The following MTR variants were observed in gnomAD, a reference collection of about 807,000 sequenced individuals.
MTR encodes the protein methionine synthase.
MTR carries 84 observed loss-of-function variants against 154.8 expected under a neutral mutation model. The observed-to-expected ratio is 0.54, with a 90% CI of 0.45 to 0.65. The LOEUF (loss-of-function observed/expected upper bound fraction) is 0.65, where lower values mean the gene tolerates loss of function less well. MTR is among the 30% of genes least tolerant of loss of function. The pLI is 0.00. For missense variants in MTR, 1,275 were observed against 1,570.2 expected (o/e 0.81, Z 3.18); for synonymous variants, 554 against 553.9 (o/e 1.00, Z 0.00).
intron 13 of MTR, among the ~76,000 whole-genome samples, chr1:236,835,223 C>A (rs750688912): frequency 6.6e-6 from 1 of 151,778 alleles, no homozygotes; most frequent in Non-Finnish European, 1.5e-5. Flanking sequence ...AGGCTCCAGT[C>A]GGGGTGGAAT....
chr1:236,810,463 G>C (rs1407464562), intron 4 of MTR, 40 bp from the exon 5 acceptor site: 2 of 1,523,410 alleles, frequency 1.3e-6, no homozygotes, highest in South Asian at 2.2e-5. Flanking sequence ...AAAATGTTCA[G>C]CCACTTAGAG....
chr1:236,812,896 G>A (rs1661384158), intron 6 of MTR, 52 bp downstream of exon 6: 2 of 1,323,020 alleles, frequency 1.5e-6, no homozygotes, highest in Non-Finnish European at 2.2e-6. Flanking sequence ...CTGTGGGTGA[G>A]TCCCCTAATG....
intron 1 of MTR, among the ~76,000 whole-genome samples, chr1:236,796,212 C>T (rs1408808043): frequency 1.3e-5 from 2 of 152,200 alleles, no homozygotes; most frequent in Admixed American, 6.5e-5. Context: ...TCTGCTTCTA[C>T]GCACGCTGCT....
chr1:236,811,549 T>C (rs1661303997), intron 5 of MTR: 1 of 454,960 alleles, frequency 2.2e-6, no homozygotes, highest in African/African-American at 2.0e-5. Flanking sequence ...TTGTAGGTTT[T>C]TGGTTTATGG....
chr1:236,805,709 A>G (rs141919837), intron 2 of MTR, among the ~76,000 whole-genome samples: 109 of 152,112 alleles, frequency 7.2e-4, no homozygotes, highest in African/African-American at 2.4e-3. Flanking sequence ...TGTTGCACAG[A>G]CTGGTCTTGA....
At chr1:236,856,840 G>A (rs1187308509) in intron 18 of MTR, among the ~76,000 whole-genome samples, 1 of 152,106 alleles carries the variant, frequency 6.6e-6, no homozygotes, top group Admixed American at 6.5e-5. Context: ...CTTCATCCAT[G>A]TCCCTGCAAA....
At position 236,850,613 on chromosome 1, in the gene MTR, GC is replaced by G. The variant is rs1287812473; in HGVS notation, c.1695+91del. 274 of 1,195,144 alleles carry G rather than the reference GC, an allele frequency of 2.3e-4. 2 individuals are homozygous for G. In the African/African-American group the frequency reaches 4.5e-3, roughly 20 times the overall value. The allele number at this position is 1,195,144 out of a possible 1,614,324, so 74.0% of individuals were successfully genotyped here. A position where few individuals can be genotyped will look rare whatever the true frequency, so the allele number is the denominator to read the frequency against. On this transcript the variant is annotated intron_variant, in intron 16 of 32. Transcript: ENST00000366577. Reference sequence around the variant, plus strand: ...TTAGAACTAACTTATATATTTATTGGCTGATGAAATGTTAACATTCTTAGTT... The same window carrying G: ...TTAGAACTAACTTATATATTTATTGGTGATGAAATGTTAACATTCTTAGTT...
At chr1:236,840,362 T>C (rs1401066214) in intron 15 of MTR, among the ~76,000 whole-genome samples, 2 of 152,232 alleles carry the variant, frequency 1.3e-5, no homozygotes, top group Non-Finnish European at 2.9e-5. Context: ...AGCACAGAGA[T>C]GTCCCAGGAC....
At chr1:236,884,417 A>C (rs1302520647) in intron 25 of MTR, among the ~76,000 whole-genome samples, 1 of 152,234 alleles carries the variant, frequency 6.6e-6, no homozygotes, top group East Asian at 1.9e-4. Flanking sequence ...CTTCAGGTTC[A>C]AAGTTTCACT....
At chr1:236,888,025 TC>T (rs1164035565) in intron 27 of MTR, among the ~76,000 whole-genome samples, 1 of 152,196 alleles carries the variant, frequency 6.6e-6, no homozygotes, top group Non-Finnish European at 1.5e-5. Context: ...GAAGGGATTG[TC>T]CCGTGTAGTA....
At chr1:236,862,394 A>G (rs749181441) in intron 21 of MTR, 51 bp downstream of exon 21, 14 of 1,481,618 alleles carry the variant, frequency 9.4e-6, no homozygotes, top group Non-Finnish European at 1.3e-5. Context: ...GACCTGGAAG[A>G]CTTGAGGTGG....
rs771840730 is a variant in MTR at position 236,863,552 on chromosome 1, C to T, written c.2403C>T (p.Phe801=). 2 of 1,613,760 alleles carry T rather than the reference C, an allele frequency of 1.2e-6. No homozygotes were observed. The highest frequency in any genetic ancestry group is 1.7e-6 in the Non-Finnish European group (2 of 1,179,702). ...IVGVVLGCNN[F]RVIDLGVMTP... is the part of the protein sequence containing the mutation. ...GAGTAGTCCTTGGCTGCAATAATTTCCGGTAAGTTAGGACCTCACCTCTTT... is the reference window on the plus strand; with the variant it reads ...GAGTAGTCCTTGGCTGCAATAATTTTCGGTAAGTTAGGACCTCACCTCTTT... The change falls in exon 22 of 33, where the codon TTC becomes TTT. Residue 801 remains phenylalanine (F), a splice_region_variant and synonymous_variant. Coordinates refer to ENST00000366577, the MANE Select transcript of MTR (RefSeq NM_000254.3).
intron 24 of MTR, among the ~76,000 whole-genome samples, chr1:236,878,146 A>G (rs1341416652): frequency 2.0e-5 from 3 of 152,066 alleles, no homozygotes; most frequent in African/African-American, 7.2e-5. Flanking sequence ...TTGCTATCTT[A>G]GTGCTGTCTT....
At chr1:236,889,691 T>C (rs963116057) in intron 28 of MTR, among the ~76,000 whole-genome samples, 1 of 152,160 alleles carries the variant, frequency 6.6e-6, no homozygotes, top group Non-Finnish European at 1.5e-5. Context: ...TAAGAGGAGA[T>C]AGAGCTCAGA....
chr1:236,801,346 A>G (rs750756694), intron 1 of MTR, among the ~76,000 whole-genome samples: 2 of 152,254 alleles, frequency 1.3e-5, no homozygotes, highest in Non-Finnish European at 2.9e-5. Context: ...CATAGTGCCC[A>G]GAAACTAGAT....
chr1:236,851,719 T>C (rs1367944335), intron 16 of MTR, among the ~76,000 whole-genome samples: 5 of 152,204 alleles, frequency 3.3e-5, no homozygotes, highest in South Asian at 2.1e-4. Context: ...TATAGTTTGG[T>C]TTTGCCTGCT....
intron 19 of MTR, among the ~76,000 whole-genome samples, chr1:236,860,823 T>G (rs545789279): frequency 1.3e-5 from 2 of 152,320 alleles, no homozygotes; most frequent in African/African-American, 4.8e-5. Flanking sequence ...GCATACAACA[T>G]TCTGTTTTGG....
chr1:236,833,901 A>G (rs1262293417), intron 13 of MTR, among the ~76,000 whole-genome samples: 3 of 152,066 alleles, frequency 2.0e-5, no homozygotes, highest in African/African-American at 4.8e-5. Flanking sequence ...TGCTCCATCC[A>G]TTCCCCATTA....
At chr1:236,798,799 A>G (rs1051431592) in intron 1 of MTR, among the ~76,000 whole-genome samples, 144 of 152,366 alleles carry the variant, frequency 9.5e-4, no homozygotes, top group Non-Finnish European at 4.3e-4. Context: ...AACTGAATAC[A>G]GATAAATACA....
Sources: gnomAD v4.1 joint callset for allele counts (sites outside exome capture counted in the v4.1 genomes callset) on GRCh38, gnomAD v4.1.1 for gene constraint, MANE v1.5 for transcripts, NCBI Gene and HGNC (gene_info 2026-07-23, HGNC 2026-07-21) for gene names.